Variants in PWWP3B observed in about 807,000 individuals in gnomAD.
The protein encoded by PWWP3B is PWWP domain containing 3B, also known as PWWP domain-containing DNA repair factor 3B.
Under a neutral mutation model 15.7 loss-of-function variants are expected in PWWP3B, and 5 were observed. That is an observed-to-expected ratio of 0.32 (90% CI 0.17 to 0.67). The LOEUF (loss-of-function observed/expected upper bound fraction) is 0.67. Among genes scored for constraint, PWWP3B ranks in the 30% least tolerant of loss-of-function variants. The pLI is 0.74. For synonymous variants in PWWP3B, 203 were observed against 179.8 expected (o/e 1.13, Z -1.03); for missense variants, 519 against 493.1 (o/e 1.05, Z -0.50).
Position 106,208,021 on chromosome X carries a change from T to C in PWWP3B, c.*498T>C. The C allele has an allele frequency of 8.1e-6, 1 of 124,129 alleles. No homozygotes were observed. The highest frequency in any genetic ancestry group is 9.4e-5 in the Admixed American group (1 of 10,622). The allele number at this position is 124,129 out of a possible 1,213,427, so 10.2% of individuals were successfully genotyped here. ...ATTTTTCTTGCCATGCCTATTTATT[T>C]TTGCAAAAAAATTATCTGCTATATA... is the stretch of plus-strand genomic sequence containing the variant. On this transcript the variant is annotated 3_prime_UTR_variant, in exon 4 of 4. Transcript: ENST00000357175.
At chrX:106,185,880 A>G (rs1922478203) in intron 2 of PWWP3B, among the ~76,000 whole-genome samples, 1 of 111,970 alleles carries the variant, frequency 8.9e-6, no homozygotes. Context: ...CTTCAGGAAT[A>G]GCTTTTGTTA....
intron 2 of PWWP3B, among the ~76,000 whole-genome samples, chrX:106,195,640 C>G (rs138105547): frequency 0.024 from 2,642 of 111,777 alleles, 86 homozygotes; most frequent in African/African-American, 0.081. Context: ...TTGATGGTCT[C>G]TTTGCATTCT....
At chrX:106,178,597 G>GA (rs1922020926) in intron 2 of PWWP3B, among the ~76,000 whole-genome samples, 2 of 111,558 alleles carry the variant, frequency 1.8e-5, no homozygotes, top group South Asian at 3.7e-4. Flanking sequence ...AACAAAATCA[G>GA]AAAAAAGATT....
At chrX:106,180,620 A>G (rs142158210) in intron 2 of PWWP3B, among the ~76,000 whole-genome samples, 1 of 112,046 alleles carries the variant, frequency 8.9e-6, no homozygotes, top group African/African-American at 3.2e-5. Flanking sequence ...TAGTAGCCCT[A>G]AGGCAATAGA....
intron 2 of PWWP3B, among the ~76,000 whole-genome samples, chrX:106,202,737 G>A (rs761827141): frequency 3.6e-5 from 4 of 112,020 alleles, no homozygotes; most frequent in Admixed American, 1.9e-4. Context: ...TCTGTACAAT[G>A]AAATACTATG....
chrX:106,192,271 G>C (rs1283821727), intron 2 of PWWP3B, among the ~76,000 whole-genome samples: 3 of 111,259 alleles, frequency 2.7e-5, no homozygotes, highest in African/African-American at 9.8e-5. Flanking sequence ...TACTCTTGGG[G>C]GGATGTATGT....
intron 2 of PWWP3B, among the ~76,000 whole-genome samples, chrX:106,198,597 G>C (rs1335608778): frequency 9.0e-6 from 1 of 111,622 alleles, no homozygotes; most frequent in South Asian, 3.7e-4. Context: ...TATTATATCT[G>C]TAATGTTATC....
intron 2 of PWWP3B, among the ~76,000 whole-genome samples, chrX:106,173,626 A>G (rs1306331959): frequency 1.8e-5 from 2 of 112,252 alleles, no homozygotes; most frequent in Non-Finnish European, 3.8e-5. Flanking sequence ...AAAAGAGGCT[A>G]CAACAGACGA....
At chrX:106,176,104 A>T (rs1431581161) in intron 2 of PWWP3B, among the ~76,000 whole-genome samples, 1 of 110,350 alleles carries the variant, frequency 9.1e-6, no homozygotes, top group Non-Finnish European at 1.9e-5. Context: ...ATTTTATTTT[A>T]TTTTTTTGAG....
At chrX:106,180,740 C>A (rs1654961025) in intron 2 of PWWP3B, among the ~76,000 whole-genome samples, 1 of 112,174 alleles carries the variant, frequency 8.9e-6, no homozygotes, top group Admixed American at 9.4e-5. Flanking sequence ...AACCTATATC[C>A]AGATAATAAT....
In PWWP3B at chrX:106,207,596, C is replaced by T. The variant is rs989225717; in HGVS notation, c.*73C>T. 9.0e-6 allele frequency: 9 copies of T among 994,683 alleles called. No individual in the cohort carries two copies. In the Admixed American group the frequency reaches 1.2e-4, roughly 14 times the overall value. The allele number at this position is 994,683 out of a possible 1,213,427, so 82.0% of individuals were successfully genotyped here. On this transcript the variant is annotated 3_prime_UTR_variant, in exon 4 of 4. Coordinates refer to ENST00000357175, the MANE Select transcript of PWWP3B (RefSeq NM_001171020.2). ...TTGAAAAAAGTCTCTGAACAATTCT[C>T]TCTAATACATATTTTCTGCAAATGG...
In PWWP3B at chrX:106,206,399, G is replaced by A. The variant is rs745836922; in HGVS notation, c.967G>A (p.Ala323Thr). 2 of 1,206,832 alleles carry A rather than the reference G, an allele frequency of 1.7e-6. No individual in the cohort carries two copies. Among genetic ancestry groups the A allele is most frequent in the Non-Finnish European group, 2.2e-6 (2 of 893,691 alleles). ...CSRECEVSFS[A>T]SNPVWDYSHL... ...AAGGGAATGCGAGGTTTCATTTAGT[G>A]CCTCTAACCCTGTCTGGGATTATTC... The change falls in exon 4 of 4, where the codon GCC (alanine) becomes ACC (threonine). Residue 323 changes from alanine to threonine, a missense_variant. Coordinates refer to ENST00000357175, the MANE Select transcript of PWWP3B (RefSeq NM_001171020.2).
At chrX:106,193,229 T>G (rs924300209) in intron 2 of PWWP3B, among the ~76,000 whole-genome samples, 30 of 111,610 alleles carry the variant, frequency 2.7e-4, no homozygotes, top group African/African-American at 9.8e-4. Flanking sequence ...GCTCCTGTAT[T>G]GGGTGCATAT....
chrX:106,207,799 T>C lies in PWWP3B; in HGVS notation c.*276T>C. On this transcript the variant is annotated 3_prime_UTR_variant, in exon 4 of 4. Transcript: ENST00000357175. ...TTCCTAAATGATTTTGAAGGGAAAGTACTATTTTGTTTTATGACACTTTTG... is the reference window on the plus strand; with the variant it reads ...TTCCTAAATGATTTTGAAGGGAAAGCACTATTTTGTTTTATGACACTTTTG... The C allele has an allele frequency of 4.0e-6, 1 of 250,159 alleles. No homozygotes were observed. Among genetic ancestry groups the C allele is most frequent in the Admixed American group, 6.1e-5 (1 of 16,523 alleles). The allele number at this position is 250,159 out of a possible 1,213,427, so 20.6% of individuals were successfully genotyped here. A position where few individuals can be genotyped will look rare whatever the true frequency, so the allele number is the denominator to read the frequency against.
intron 2 of PWWP3B, among the ~76,000 whole-genome samples, chrX:106,194,250 T>C (rs1474421823): frequency 9.0e-6 from 1 of 111,551 alleles, no homozygotes; most frequent in Admixed American, 9.5e-5. Context: ...CTTTTCATTC[T>C]TTTTTCTCTA....
Position 106,206,241 on chromosome X carries a change from C to G in PWWP3B, c.809C>G (p.Ser270Cys), listed in dbSNP as rs373277353. Reference protein sequence around the residue: ...DTCLETLAVPSECSAFSENIE... With the variant: ...DTCLETLAVPCECSAFSENIE... ...TGCCTAGAGACCCTGGCTGTTCCCT[C>G]TGAATGCTCTGCTTTCTCAGAGAAT... The change falls in exon 4 of 4, where the codon TCT (serine) becomes TGT (cysteine). Residue 270 changes from serine to cysteine, a missense_variant. Physicochemically the swap from Ser to Cys is moderately radical, Grantham distance 112 (BLOSUM62 -1). Coordinates refer to ENST00000357175, the MANE Select transcript of PWWP3B (RefSeq NM_001171020.2). The G allele has an allele frequency of 7.6e-5, 91 of 1,204,872 alleles. No homozygotes were observed. Among genetic ancestry groups the G allele is most frequent in the Non-Finnish European group, 1.0e-4 (90 of 892,353 alleles).
chrX:106,199,755 G>A (rs892454698), intron 2 of PWWP3B, among the ~76,000 whole-genome samples: 2 of 111,327 alleles, frequency 1.8e-5, no homozygotes, highest in African/African-American at 3.3e-5. Context: ...GAGGGAGTCT[G>A]GGAAAGACAA....
chrX:106,175,864 GA>G (rs1921873798), intron 2 of PWWP3B, among the ~76,000 whole-genome samples: 1 of 111,479 alleles, frequency 9.0e-6, no homozygotes, highest in Non-Finnish European at 1.9e-5. Flanking sequence ...TAGGGAAGGT[GA>G]ATATCTTTTA....
At chrX:106,196,903 A>G (rs1398162387) in intron 2 of PWWP3B, among the ~76,000 whole-genome samples, 2 of 111,415 alleles carry the variant, frequency 1.8e-5, no homozygotes, top group Non-Finnish European at 3.8e-5. Context: ...GTGCTACAAG[A>G]TTTTTTTCAA....
Sources: allele counts gnomAD v4.1 joint callset (sites outside exome capture counted in the v4.1 genomes callset), GRCh38; gene constraint gnomAD v4.1.1; transcripts MANE v1.5; gene names NCBI Gene and HGNC (gene_info 2026-07-23, HGNC 2026-07-21).